Variants in MALRD1 observed in about 807,000 individuals in gnomAD.
The protein encoded by MALRD1 is MAM and LDL-receptor class A domain-containing protein 1.
In MALRD1, 247 loss-of-function variants were observed where a neutral mutation model predicts 242.1. The observed-to-expected ratio is 1.02, with a 90% confidence interval of 0.92 to 1.13. MALRD1 has a LOEUF of 1.13. Among genes scored for constraint, MALRD1 ranks in the 50% most tolerant of loss-of-function variants. MALRD1 has a pLI of 0.00. For missense variants in MALRD1, 2,989 were observed against 2,533.1 expected, an observed-to-expected ratio of 1.18 and a Z score of -3.86; for synonymous variants, 995 against 866.6, an observed-to-expected ratio of 1.15 and a Z score of -2.60.
intron 24 of MALRD1, among the ~76,000 whole-genome samples, chr10:19,335,192 G>GTTTTTTTTTTTTTTT (rs397828429): frequency 7.3e-6 from 1 of 137,370 alleles, no homozygotes; most frequent in Non-Finnish European, 1.6e-5. Context: ...GTTTTTTTTT[G>GTTTTTTTTTTTTTTT]TTTTTTTTTT....
intron 2 of MALRD1, among the ~76,000 whole-genome samples, chr10:19,079,721 T>G (rs1835424147): frequency 6.6e-6 from 1 of 151,912 alleles, no homozygotes; most frequent in Admixed American, 6.6e-5. Flanking sequence ...CATTTGTCAT[T>G]ATAAAATGCC....
At chr10:19,526,339 T>G (rs7901638) in intron 31 of MALRD1, among the ~76,000 whole-genome samples, 11,627 of 115,472 alleles carry the variant, frequency 0.1, 1,325 homozygotes, top group African/African-American at 0.27. Flanking sequence ...TAAGCAACTT[T>G]CATCTTTATG....
chr10:19,253,395 T>C (rs1486925343), intron 18 of MALRD1, among the ~76,000 whole-genome samples: 5 of 151,942 alleles, frequency 3.3e-5, no homozygotes, highest in African/African-American at 7.2e-5. Flanking sequence ...TGCTTTGTAT[T>C]TGTTTATTGA....
At chr10:19,663,977 A>G (rs2131740196) in intron 36 of MALRD1, among the ~76,000 whole-genome samples, 1 of 152,210 alleles carries the variant, frequency 6.6e-6, no homozygotes, top group African/African-American at 2.4e-5. Context: ...CCAGGCAGGG[A>G]CATACAAGAA....
chr10:19,621,351 T>TAAAAAAAAAAAAA (rs56041015), intron 36 of MALRD1, among the ~76,000 whole-genome samples: 7 of 121,798 alleles, frequency 5.7e-5, no homozygotes, highest in Non-Finnish European at 8.4e-5. Flanking sequence ...TAAAAATATG[T>TAAAAAAAAAAAAA]AAAAAAAAAA....
intron 2 of MALRD1, among the ~76,000 whole-genome samples, chr10:19,081,721 A>G (rs1227545672): frequency 6.6e-6 from 1 of 152,030 alleles, no homozygotes; most frequent in African/African-American, 2.4e-5. Flanking sequence ...GCACACGTTT[A>G]CCTGTGTAAC....
At chr10:19,107,502 T>C (rs901662474) in intron 5 of MALRD1, among the ~76,000 whole-genome samples, 1 of 151,886 alleles carries the variant, frequency 6.6e-6, no homozygotes, top group African/African-American at 2.4e-5. Context: ...ATTCCTTTAG[T>C]TTCTCAGTCT....
chr10:19,410,600 G>T (rs898252389), intron 28 of MALRD1, among the ~76,000 whole-genome samples: 5 of 151,672 alleles, frequency 3.3e-5, no homozygotes, highest in African/African-American at 4.8e-5. Flanking sequence ...GAAAGTAGAG[G>T]TAGACAGAAG....
At chr10:19,614,505 T>C (rs1257519347) in intron 35 of MALRD1, among the ~76,000 whole-genome samples, 2 of 151,950 alleles carry the variant, frequency 1.3e-5, no homozygotes, top group East Asian at 1.9e-4. Context: ...ACAATTGCAG[T>C]GTGTTAAGTA....
intron 5 of MALRD1, among the ~76,000 whole-genome samples, chr10:19,121,889 A>G (rs1343597982): frequency 6.6e-6 from 1 of 152,198 alleles, no homozygotes; most frequent in African/African-American, 2.4e-5. Flanking sequence ...AAGAGGGAAT[A>G]GAAAGCTTTG....
chr10:19,405,075 A>G (rs1334406114), intron 28 of MALRD1, among the ~76,000 whole-genome samples: 1 of 152,190 alleles, frequency 6.6e-6, no homozygotes, highest in Non-Finnish European at 1.5e-5. Context: ...TGTGAAAATA[A>G]TCAAACTTAG....
chr10:19,644,430 G>A (rs901374195), intron 36 of MALRD1, among the ~76,000 whole-genome samples: 1 of 798 alleles, frequency 1.3e-3, no homozygotes, highest in African/African-American at 4.4e-3. Context: ...AGTCTACTTT[G>A]CTAGAAGAAA....
At chr10:19,328,115 T>C (rs1048339853) in intron 23 of MALRD1, among the ~76,000 whole-genome samples, 10 of 152,140 alleles carry the variant, frequency 6.6e-5, no homozygotes, top group African/African-American at 2.4e-4. Flanking sequence ...GGGGGCACAG[T>C]ATTGTGTAAT....
intron 36 of MALRD1, among the ~76,000 whole-genome samples, chr10:19,650,854 G>A (rs753452432): frequency 6.6e-6 from 1 of 152,100 alleles, no homozygotes; most frequent in South Asian, 2.1e-4. Flanking sequence ...AGTATCAGCG[G>A]TTTAGCAGCA....
In MALRD1 at chr10:19,146,228, G is replaced by A. The variant is rs575840832; in HGVS notation, c.1442G>A (p.Gly481Asp). ...CATCTCACCTGTGACTTTGAGTCGG[G>A]TTTCTGCGGTTGGGAGCCATTTCTC... ...SKHLTCDFES[G>D]FCGWEPFLTE... is the part of the protein sequence containing the mutation. The change falls in exon 11 of 40, where the codon GGT becomes GAT. Residue 481 changes from glycine to aspartate, a missense_variant. Physicochemically the swap from Gly to Asp is moderately conservative, Grantham distance 94. Coordinates refer to ENST00000454679, the MANE Select transcript of MALRD1 (RefSeq NM_001142308.3). 8.1e-7 allele frequency: 1 copy of A among 1,231,642 alleles called. No homozygotes were observed. Among genetic ancestry groups the A allele is most frequent in the Non-Finnish European group, 1.0e-6 (1 of 987,936 alleles). 76.3% of individuals were successfully genotyped at this position (1,231,642 alleles called of 1,614,324 possible). A position where few individuals can be genotyped will look rare whatever the true frequency, so the allele number is the denominator to read the frequency against.
chr10:19,631,745 G>A (rs1212361934), intron 36 of MALRD1, among the ~76,000 whole-genome samples: 3 of 152,112 alleles, frequency 2.0e-5, no homozygotes, highest in Non-Finnish European at 4.4e-5. Flanking sequence ...AATGATCAGT[G>A]ATTGAGCTTT....
intron 18 of MALRD1, among the ~76,000 whole-genome samples, chr10:19,246,920 A>AAT (rs1839079737): frequency 1.3e-5 from 2 of 152,054 alleles, no homozygotes; most frequent in South Asian, 4.2e-4. Context: ...GCTTAATATG[A>AAT]ATGTGTGGCT....
chr10:19,729,399 A>G (rs1835181848), intron 38 of MALRD1, among the ~76,000 whole-genome samples: 1 of 152,226 alleles, frequency 6.6e-6, no homozygotes. Context: ...TATACATTAT[A>G]CATACATTAT....
At chr10:19,431,882 A>G (rs1589063059) in intron 28 of MALRD1, among the ~76,000 whole-genome samples, 1 of 152,224 alleles carries the variant, frequency 6.6e-6, no homozygotes, top group East Asian at 1.9e-4. Context: ...CATAACTGAC[A>G]CGTTGCTTTT....
Sources: gnomAD v4.1 joint callset for allele counts (sites outside exome capture counted in the v4.1 genomes callset) on GRCh38, gnomAD v4.1.1 for gene constraint, MANE v1.5 for transcripts, NCBI Gene and HGNC (gene_info 2026-07-23, HGNC 2026-07-21) for gene names.